Variants in TRNT1 observed in about 807,000 individuals in gnomAD.
The protein encoded by TRNT1 is CCA tRNA nucleotidyltransferase 1, mitochondrial.
Under a neutral mutation model 45.6 loss-of-function variants are expected in TRNT1, and 44 were observed. The ratio of observed to expected loss-of-function variants is 0.97; its 90% CI spans 0.76 to 1.24. The LOEUF is 1.24. TRNT1 is among the 50% of genes most tolerant of loss of function. The pLI is 0.00. For synonymous variants in TRNT1, 201 were observed against 171.4 expected (o/e 1.17, Z -1.35); for missense variants, 633 against 504.4 (o/e 1.25, Z -2.44).
At chr3:3,127,354 G>T (rs1359452746) in intron 1 of TRNT1, 1 of 152,244 alleles carries the variant, frequency 6.6e-6, no homozygotes, top group Non-Finnish European at 1.5e-5. Context: ...GCGGAGGTGC[G>T]AGGAAACTGA....
At chr3:3,127,315 G>C (rs1704648856) in intron 1 of TRNT1, 1 of 152,276 alleles carries the variant, frequency 6.6e-6, no homozygotes, top group African/African-American at 2.4e-5. Context: ...TCAGGGCTGG[G>C]GTTCCCCAGA....
intron 2 of TRNT1, among the ~76,000 whole-genome samples, chr3:3,133,128 T>C (rs1393436827): frequency 2.0e-5 from 3 of 152,170 alleles, no homozygotes. Flanking sequence ...TGTGTAAAAT[T>C]AGTTTTCAGT....
At chr3:3,137,690 C>A (rs917269792) in intron 3 of TRNT1, among the ~76,000 whole-genome samples, 1 of 149,986 alleles carries the variant, frequency 6.7e-6, no homozygotes, top group African/African-American at 2.5e-5. Flanking sequence ...TTTTACTATC[C>A]CAGTTTTAAG....
rs368371043 is a variant in TRNT1 at position 3,147,947 on chromosome 3, G to A, written c.1098G>A (p.Leu366=). Residue 366 remains leucine, a synonymous_variant, in exon 8 of 8, where the codon CTG becomes CTA. Transcript: ENST00000251607. ...PDATTRVCEL[L]KYQGEHCLLK... is the part of the protein sequence containing the mutation. ...CAACTACTCGTGTATGTGAACTACT[G>A]AAGTACCAAGGAGAGCACTGTCTCC... 3.1e-6 allele frequency: 5 copies of A among 1,613,814 alleles called. No homozygotes were observed. The highest frequency in any genetic ancestry group is 4.2e-6 in the Non-Finnish European group (5 of 1,179,882).
At chr3:3,152,696 G>GT, downstream of TRNT1, 2 of 1,323,352 alleles carry the variant, frequency 1.5e-6, no homozygotes, top group Non-Finnish European at 2.1e-6. Context: ...GAGCTATACA[G>GT]TTTTTAATCC....
At chr3:3,136,575 A>G (rs560393519) in intron 2 of TRNT1, 2 of 413,272 alleles carry the variant, frequency 4.8e-6, no homozygotes, top group African/African-American at 2.1e-5. Flanking sequence ...ACAGAGAAAT[A>G]CAAGAACATG....
intron 1 of TRNT1, among the ~76,000 whole-genome samples, chr3:3,128,755 C>T (rs1000975325): frequency 7.3e-6 from 1 of 136,518 alleles, no homozygotes; most frequent in Non-Finnish European, 1.6e-5. Flanking sequence ...TGTAACTCAA[C>T]CAGTCAGTCA....
intron 2 of TRNT1, among the ~76,000 whole-genome samples, chr3:3,134,591 C>T (rs1705210978): frequency 6.6e-6 from 1 of 152,064 alleles, no homozygotes; most frequent in Non-Finnish European, 1.5e-5. Flanking sequence ...TTCTTCATCC[C>T]ACTGTTTATA....
Position 3,129,205 on chromosome 3 carries a change from C to A in TRNT1, c.148+17C>A, listed in dbSNP as rs200220844. The A allele has an allele frequency of 1.2e-6, 2 of 1,611,800 alleles. No individual in the cohort carries two copies. The highest frequency in any genetic ancestry group is 1.1e-5 in the South Asian group (1 of 90,958). ...GTCTGACAGGTGAGAGATTAGGATA[C>A]CTTTTCTTGATTGGAAACCTATATA... On this transcript the variant is annotated intron_variant, in intron 2 of 7. Transcript: ENST00000251607.
At chr3:3,141,196 AAG>A (rs1705628526) in intron 4 of TRNT1, among the ~76,000 whole-genome samples, 1 of 152,214 alleles carries the variant, frequency 6.6e-6, no homozygotes, top group Non-Finnish European at 1.5e-5. Flanking sequence ...TGTGAGGTTT[AAG>A]AGAGTTAATT....
chr3:3,135,878 A>T (rs368305849), intron 2 of TRNT1, among the ~76,000 whole-genome samples: 15 of 152,288 alleles, frequency 9.8e-5, no homozygotes, highest in African/African-American at 3.4e-4. Context: ...GCATGCTGAC[A>T]CTGGAGAACC....
At chr3:3,136,066 A>G (rs1384404359) in intron 2 of TRNT1, among the ~76,000 whole-genome samples, 1 of 152,174 alleles carries the variant, frequency 6.6e-6, no homozygotes, top group Admixed American at 6.6e-5. Flanking sequence ...GAAGTTGAGT[A>G]CAGTTGTGAG....
At chr3:3,134,709 G>A (rs1464328475) in intron 2 of TRNT1, among the ~76,000 whole-genome samples, 4 of 151,964 alleles carry the variant, frequency 2.6e-5, no homozygotes, top group African/African-American at 9.7e-5. Context: ...TACCAGTGAA[G>A]TCATTCTTTT....
intron 2 of TRNT1, 23 bp from the exon 3 acceptor site, chr3:3,137,237 A>G (rs772408155): frequency 8.5e-5 from 132 of 1,551,024 alleles, no homozygotes; most frequent in Non-Finnish European, 1.1e-4. Context: ...TGGGAATAAA[A>G]ATCTTATTTT....
At position 3,140,634 on chromosome 3, in the gene TRNT1, A is replaced by C. The variant is rs745382836; in HGVS notation, c.467A>C (p.Asn156Thr). 1 of 1,613,940 alleles carries C rather than the reference A, an allele frequency of 6.2e-7. No homozygotes were observed. Among genetic ancestry groups the C allele is most frequent in the South Asian group, 1.1e-5 (1 of 91,034 alleles). The part of the protein sequence containing the change: ...KDAERRDLTI[N>T]SMFLGFDGTL... Reference sequence around the variant, plus strand: ...GCGGAACGCAGAGATCTCACTATAAATTCTATGTTTTTAGGTAATATTTGC... The same window carrying C: ...GCGGAACGCAGAGATCTCACTATAACTTCTATGTTTTTAGGTAATATTTGC... Residue 156 changes from asparagine (N) to threonine (T), a missense_variant, in exon 4 of 8, where the codon AAT becomes ACT. Coordinates refer to ENST00000251607, the MANE Select transcript of TRNT1 (RefSeq NM_182916.3).
downstream of TRNT1, chr3:3,150,640 T>C (rs893968395): frequency 2.1e-6 from 1 of 472,986 alleles, no homozygotes. Flanking sequence ...GCTACCCAAG[T>C]AGATGTTTCT....
Position 3,129,441 on chromosome 3 carries a change from G to A in TRNT1, c.148+253G>A, listed in dbSNP as rs334770. 232,380 of 422,582 alleles carry A rather than the reference G, an allele frequency of 0.55. 69,648 individuals carry two copies. The highest frequency in any genetic ancestry group is 0.67 in the Middle Eastern group (940 of 1,412). 26.2% of individuals were successfully genotyped at this position (422,582 alleles called of 1,614,324 possible). ...AATGTGCACGTTTTCATTGTTGGAA[G>A]AAAGGCTTGGCTGGGTGTACCCAGC... On this transcript the variant is annotated intron_variant, in intron 2 of 7. Transcript: ENST00000251607.
Position 3,148,831 on chromosome 3 carries a change from C to G in TRNT1, c.*677C>G, listed in dbSNP as rs1383966683. ...TTAATTAATTATTGTTTTAATAAAA[C>G]AAACATTGGTATTGGAAGATAAATA... On this transcript the variant is annotated 3_prime_UTR_variant, in exon 8 of 8. Transcript: ENST00000251607. The G allele has an allele frequency of 6.6e-6, 1 of 151,994 alleles. No individual in the cohort carries two copies. The highest frequency in any genetic ancestry group is 1.5e-5 in the Non-Finnish European group (1 of 67,970). 9.4% of individuals were successfully genotyped at this position (151,994 alleles called of 1,614,324 possible). A position where few individuals can be genotyped will look rare whatever the true frequency, so the allele number is the denominator to read the frequency against.
At position 3,144,043 on chromosome 3, in the gene TRNT1, A is replaced by T. The variant is rs574976779; in HGVS notation, c.482-541A>T. 1.9e-4 allele frequency among the ~76,000 whole-genome samples: 29 copies of T among 152,292 alleles called. No individual in the cohort carries two copies. The South Asian group carries it at 6.0e-3, about 32-fold the overall frequency. Reference sequence around the variant, plus strand: ...ATATATTTTTCCAAAAATGTCACTTATGACTTTGTGTGTGATAGTAGTTTC... The same window carrying T: ...ATATATTTTTCCAAAAATGTCACTTTTGACTTTGTGTGTGATAGTAGTTTC... On this transcript the variant is annotated intron_variant, in intron 4 of 7. Coordinates refer to ENST00000251607, the MANE Select transcript of TRNT1 (RefSeq NM_182916.3).
Sources: gnomAD v4.1 joint callset for allele counts (sites outside exome capture counted in the v4.1 genomes callset) on GRCh38, gnomAD v4.1.1 for gene constraint, MANE v1.5 for transcripts, NCBI Gene and HGNC (gene_info 2026-07-23, HGNC 2026-07-21) for gene names.